NELL1: variants seen among roughly 807,000 people sequenced by gnomAD.
NELL1 encodes protein kinase C-binding protein NELL1.
Under a neutral mutation model 107.4 loss-of-function variants are expected in NELL1, and 76 were observed. That is an observed-to-expected ratio of 0.71 (90% CI 0.59 to 0.86). The LOEUF (loss-of-function observed/expected upper bound fraction) is 0.86, where lower values mean the gene tolerates loss of function less well. Ranked by LOEUF, NELL1 falls within the 40% of genes least tolerant of loss-of-function variation. NELL1 has a pLI of 0.00. For synonymous variants in NELL1, 353 were observed against 341.2 expected, an observed-to-expected ratio of 1.03 and a Z score of -0.38; for missense variants, 1,024 against 1,005.5, an observed-to-expected ratio of 1.02 and a Z score of -0.25.
intron 15 of NELL1, among the ~76,000 whole-genome samples, chr11:21,417,442 T>C (rs1416284139): frequency 6.6e-6 from 1 of 152,064 alleles, no homozygotes; most frequent in East Asian, 1.9e-4. Flanking sequence ...CTGATTTTTT[T>C]TTTCAATTCA....
At chr11:20,739,610 T>A (rs1855842346) in intron 2 of NELL1, among the ~76,000 whole-genome samples, 1 of 152,136 alleles carries the variant, frequency 6.6e-6, no homozygotes, top group Non-Finnish European at 1.5e-5. Flanking sequence ...CCTCAGAAAG[T>A]GAAAGGGATG....
chr11:21,257,510 T>A (rs77150412), intron 14 of NELL1, among the ~76,000 whole-genome samples: 6,415 of 152,012 alleles, frequency 0.042, 290 homozygotes, highest in Admixed American at 0.12. Context: ...AGTTTGGTGA[T>A]ACAATAAACT....
chr11:21,379,662 GTTAC>G (rs1404926235), intron 15 of NELL1, among the ~76,000 whole-genome samples: 1 of 151,992 alleles, frequency 6.6e-6, no homozygotes, highest in Admixed American at 6.6e-5. Flanking sequence ...ATTTTTCTTA[GTTAC>G]TTGTGATTTT....
chr11:21,307,684 T>G (rs888806013), intron 14 of NELL1, among the ~76,000 whole-genome samples: 2 of 152,004 alleles, frequency 1.3e-5, no homozygotes, highest in Admixed American at 1.3e-4. Flanking sequence ...GGTTCCATGG[T>G]CTTTACCTTG....
intron 15 of NELL1, among the ~76,000 whole-genome samples, chr11:21,526,331 C>T (rs1263600223): frequency 1.3e-5 from 2 of 152,220 alleles, no homozygotes; most frequent in Non-Finnish European, 2.9e-5. Context: ...GCCACTGTGG[C>T]TTTGCAGGGT....
At chr11:21,523,995 A>T (rs996975050) in intron 15 of NELL1, among the ~76,000 whole-genome samples, 4 of 152,094 alleles carry the variant, frequency 2.6e-5, no homozygotes, top group African/African-American at 9.7e-5. Flanking sequence ...CTGCTACTAT[A>T]CCTTGGTTGG....
At chr11:21,298,735 T>C (rs1473013689) in intron 14 of NELL1, among the ~76,000 whole-genome samples, 1 of 151,968 alleles carries the variant, frequency 6.6e-6, no homozygotes, top group Non-Finnish European at 1.5e-5. Context: ...TTCGGTGCCA[T>C]CAGGAAATGG....
chr11:20,726,559 C>G (rs1346642601), intron 2 of NELL1, among the ~76,000 whole-genome samples: 3 of 151,930 alleles, frequency 2.0e-5, no homozygotes, highest in African/African-American at 7.3e-5. Context: ...AAAAAAAACA[C>G]TCAATATTAT....
At chr11:21,149,438 ATGGTAGCAG>A (rs1554973608) in intron 13 of NELL1, among the ~76,000 whole-genome samples, 1 of 152,232 alleles carries the variant, frequency 6.6e-6, no homozygotes, top group Non-Finnish European at 1.5e-5. Context: ...CACATTTTAC[ATGGTAGCAG>A]GCAAGAGAGT....
At chr11:21,477,665 A>G (rs1041419769) in intron 15 of NELL1, among the ~76,000 whole-genome samples, 1 of 152,088 alleles carries the variant, frequency 6.6e-6, no homozygotes, top group African/African-American at 2.4e-5. Flanking sequence ...ACAAGCATCA[A>G]GACTATCCAG....
intron 14 of NELL1, among the ~76,000 whole-genome samples, chr11:21,319,049 A>T (rs1404600696): frequency 6.6e-6 from 1 of 151,994 alleles, no homozygotes; most frequent in African/African-American, 2.4e-5. Flanking sequence ...ATTATTACTT[A>T]TATGCATGTA....
chr11:20,755,771 G>A (rs987466827), intron 2 of NELL1, among the ~76,000 whole-genome samples: 5 of 150,548 alleles, frequency 3.3e-5, no homozygotes, highest in Non-Finnish European at 5.9e-5. Flanking sequence ...GGCCAGGCTG[G>A]TATTGAACTC....
At chr11:21,229,248 T>C in intron 13 of NELL1, 84 bp from the exon 14 acceptor site, 1 of 1,499,528 alleles carries the variant, frequency 6.7e-7, no homozygotes, top group Non-Finnish European at 9.2e-7. Flanking sequence ...CATTCTTATT[T>C]GGTGAATTCC....
chr11:20,743,212 G>GC (rs1554911402), intron 2 of NELL1, among the ~76,000 whole-genome samples: 1 of 152,032 alleles, frequency 6.6e-6, no homozygotes, highest in Non-Finnish European at 1.5e-5. Flanking sequence ...AGATTAGCCA[G>GC]GTGTGATGGC....
intron 13 of NELL1, among the ~76,000 whole-genome samples, chr11:21,173,584 G>A (rs1164147368): frequency 2.0e-5 from 3 of 151,812 alleles, no homozygotes; most frequent in African/African-American, 7.3e-5. Context: ...ACAGTTATTT[G>A]AGAGCAAACT....
chr11:20,883,626 CTTT>C, intron 4 of NELL1, among the ~76,000 whole-genome samples: 1 of 152,294 alleles, frequency 6.6e-6, no homozygotes, highest in Non-Finnish European at 1.5e-5. Flanking sequence ...TCCCTGGCCT[CTTT>C]TGGTATTTAC....
intron 16 of NELL1, among the ~76,000 whole-genome samples, chr11:21,556,304 C>G (rs1188997427): frequency 1.3e-5 from 2 of 151,822 alleles, no homozygotes; most frequent in Non-Finnish European, 2.9e-5. Context: ...GAAAATAAGA[C>G]TAGATGTGCT....
chr11:21,406,492 C>T (rs1852239469), intron 15 of NELL1, among the ~76,000 whole-genome samples: 1 of 151,918 alleles, frequency 6.6e-6, no homozygotes, highest in African/African-American at 2.4e-5. Context: ...CTTTCAATCT[C>T]AAAACATAAA....
At chr11:20,827,498 A>C (rs1233591300) in intron 3 of NELL1, among the ~76,000 whole-genome samples, 1 of 151,210 alleles carries the variant, frequency 6.6e-6, no homozygotes. Context: ...CTTCTAGTGG[A>C]AAGTTAGAGG....
Sources: allele counts gnomAD v4.1 joint callset (sites outside exome capture counted in the v4.1 genomes callset), GRCh38; gene constraint gnomAD v4.1.1; transcripts MANE v1.5; gene names NCBI Gene and HGNC (gene_info 2026-07-23, HGNC 2026-07-21).